LETMD1: variants seen among roughly 807,000 people sequenced by gnomAD.
The protein encoded by LETMD1 is LETM1 domain-containing protein 1.
LETMD1 carries 30 observed loss-of-function variants against 43.9 expected under a neutral mutation model. That is an observed-to-expected ratio of 0.68 (90% confidence interval 0.51 to 0.93). The LOEUF is 0.93. Among genes scored for constraint, LETMD1 ranks in the 40% least tolerant of loss-of-function variants. The pLI is 0.00. For missense variants in LETMD1, 413 were observed against 447.7 expected, an observed-to-expected ratio of 0.92 and a Z score of 0.70; for synonymous variants, 176 against 163.1, an observed-to-expected ratio of 1.08 and a Z score of -0.60.
downstream of LETMD1, chr12:51,064,778 A>C: frequency 1.1e-6 from 1 of 871,002 alleles, no homozygotes; most frequent in Non-Finnish European, 1.7e-6. Context: ...TCTCCTTGTA[A>C]GAAGAAAAGC....
chr12:51,053,078 C>T (rs1467079192), intron 3 of LETMD1, among the ~76,000 whole-genome samples: 1 of 151,522 alleles, frequency 6.6e-6, no homozygotes, highest in African/African-American at 2.4e-5. Flanking sequence ...CGCCACTGCA[C>T]TCCAGCCTGG....
At chr12:51,067,754 T>G in the LETMD1 span, 1 of 1,614,192 alleles carries the variant, frequency 6.2e-7, no homozygotes, top group Non-Finnish European at 8.5e-7. The surrounding 1 kb of genome is among the most constrained non-coding windows in gnomAD (Gnocchi z 4.1). Context: ...ATTCTTCCCG[T>G]GACAGGCGGA....
intron 4 of LETMD1, 144 bp from the exon 5 acceptor site, chr12:51,055,687 AAAAC>A: frequency 6.6e-6 from 3 of 454,994 alleles, no homozygotes; most frequent in East Asian, 3.7e-5. Context: ...AAAAAAAAAA[AAAAC>A]TGAAAAAGAA....
Position 51,059,583 on chromosome 12 carries a change from A to C in LETMD1, c.*152A>C, listed in dbSNP as rs3190077. 0.68 allele frequency: 467,560 copies of C among 686,256 alleles called. 164,667 individuals are homozygous for C. Among genetic ancestry groups the C allele is most frequent in the Non-Finnish European group, 0.76 (286,595 of 378,222 alleles). The allele number at this position is 686,256 out of a possible 1,614,324, so 42.5% of individuals were successfully genotyped here. On this transcript the variant is annotated 3_prime_UTR_variant, in exon 9 of 9. Transcript: ENST00000262055. ...CCATGGGCTTCACAGCATGGCACAC[A>C]TGTGGGAACTGCAGACATTCCTCTC...
At chr12:51,060,673 C>T (rs553043794), downstream of LETMD1, among the ~76,000 whole-genome samples, 161 of 152,080 alleles carry the variant, frequency 1.1e-3, no homozygotes, top group African/African-American at 3.6e-3. Flanking sequence ...GAGGCTGAGG[C>T]GAGCGGATCA....
downstream of LETMD1, chr12:51,063,847 G>A (rs372339521): frequency 1.7e-5 from 28 of 1,613,902 alleles, no homozygotes; most frequent in Admixed American, 1.5e-4. Context: ...TTGTCCGTGC[G>A]GAAGGGGAGG....
Position 51,052,117 on chromosome 12 carries a change from C to G in LETMD1, c.300C>G (p.Ala100=). The part of the protein sequence containing the change: ...MKGLQMLWAD[A]KKARRIKTNM... ...GATTGCAGATGTTATGGGCTGATGCCAAAAAGGCTAGAAGAATAAAGACAA... is the reference window on the plus strand; with the variant it reads ...GATTGCAGATGTTATGGGCTGATGCGAAAAAGGCTAGAAGAATAAAGACAA... Residue 100 remains alanine, a synonymous_variant, in exon 3 of 9, where the codon GCC becomes GCG. Transcript: ENST00000262055. The G allele has an allele frequency of 6.2e-7, 1 of 1,613,760 alleles. No individual in the cohort carries two copies. Among genetic ancestry groups the G allele is most frequent in the Non-Finnish European group, 8.5e-7 (1 of 1,179,838 alleles).
chr12:51,066,251 G>A, the LETMD1 span, among the ~76,000 whole-genome samples: 6 of 152,054 alleles, frequency 3.9e-5, no homozygotes, highest in East Asian at 5.8e-4. Context: ...TCAAGAGATC[G>A]AGACCATCCT....
the LETMD1 span, among the ~76,000 whole-genome samples, chr12:51,067,232 AC>A: frequency 6.7e-6 from 1 of 150,326 alleles, no homozygotes; most frequent in East Asian, 1.9e-4. This position sits in a 1 kb window ranked among gnomAD's most constrained non-coding sequence, Gnocchi z 4.1. Flanking sequence ...TGTTAAATGT[AC>A]TAACTCCTCT....
At chr12:51,063,604 A>G, downstream of LETMD1, 1 of 652,062 alleles carries the variant, frequency 1.5e-6, no homozygotes, top group Non-Finnish European at 2.5e-6. Context: ...TACTCAAACA[A>G]TCCTTTCCCA....
chr12:51,066,012 T>G, the LETMD1 span, among the ~76,000 whole-genome samples: 4 of 152,200 alleles, frequency 2.6e-5, no homozygotes, highest in East Asian at 1.9e-4. Context: ...TGTCTTAAAC[T>G]GTCCCCCATC....
intron 1 of LETMD1, chr12:51,048,798 G>C: frequency 1.7e-6 from 1 of 591,374 alleles, no homozygotes; most frequent in Non-Finnish European, 3.0e-6. Flanking sequence ...TTGTCCCACA[G>C]GCATTGCGCT....
At chr12:51,064,019 A>G (rs1267803722), downstream of LETMD1, 1 of 1,614,052 alleles carries the variant, frequency 6.2e-7, no homozygotes, top group Non-Finnish European at 8.5e-7. Context: ...TAACAGGGAG[A>G]GAGAAGACAT....
chr12:51,059,538 G>A lies in LETMD1; in HGVS notation c.*107G>A, dbSNP rs1948640788. Reference sequence around the variant, plus strand: ...TGTGTGTACTGTTAAGTGTGTGGGAGGCAGAGAGAGGAGCAGGGGCCATGG... The same window carrying A: ...TGTGTGTACTGTTAAGTGTGTGGGAAGCAGAGAGAGGAGCAGGGGCCATGG... On this transcript the variant is annotated 3_prime_UTR_variant, in exon 9 of 9. Coordinates refer to ENST00000262055, the MANE Select transcript of LETMD1 (RefSeq NM_015416.5). The A allele has an allele frequency of 6.2e-6, 6 of 967,056 alleles. No individual in the cohort carries two copies. The South Asian group carries it at 6.7e-5, about 11-fold the overall frequency. The allele number at this position is 967,056 out of a possible 1,614,324, so 59.9% of individuals were successfully genotyped here.
chr12:51,048,759 C>G lies in LETMD1; in HGVS notation c.123-275C>G, dbSNP rs929328916. The stretch of plus-strand genomic sequence containing the variant: ...TTTTACCGCTGCTATCTCGATTCCA[C>G]CTCTTTCTGACTTAGCCTGCAGTTC... On this transcript the variant is annotated intron_variant, in intron 1 of 8. Transcript: ENST00000262055. 7 of 590,758 alleles carry G rather than the reference C, an allele frequency of 1.2e-5. No homozygotes were observed. In the African/African-American group the frequency reaches 1.3e-4, roughly 11 times the overall value. 36.6% of individuals were successfully genotyped at this position (590,758 alleles called of 1,614,324 possible).
the LETMD1 span, among the ~76,000 whole-genome samples, chr12:51,067,316 G>A: frequency 1.3e-5 from 2 of 152,068 alleles, no homozygotes; most frequent in East Asian, 3.9e-4. This position sits in a 1 kb window ranked among gnomAD's most constrained non-coding sequence, Gnocchi z 4.1. Flanking sequence ...TACCTCCACA[G>A]CCTAAGAATC....
At chr12:51,050,710 C>T (rs1945822372) in intron 2 of LETMD1, among the ~76,000 whole-genome samples, 2 of 151,652 alleles carry the variant, frequency 1.3e-5, no homozygotes, top group African/African-American at 2.4e-5. Flanking sequence ...AATATGAAAG[C>T]ATTAAAGAAA....
chr12:51,052,000 T>G, intron 2 of LETMD1, 92 bp from the exon 3 acceptor site: 1 of 1,110,144 alleles, frequency 9.0e-7, no homozygotes, highest in Non-Finnish European at 1.3e-6. Context: ...GGGGTGAGAG[T>G]GTTTGCATGT....
the LETMD1 span, chr12:51,067,549 A>C: frequency 2.3e-6 from 2 of 880,708 alleles, no homozygotes; most frequent in Non-Finnish European, 3.5e-6. The surrounding 1 kb of genome is among the most constrained non-coding windows in gnomAD (Gnocchi z 4.1). Flanking sequence ...GGGTTGTGGA[A>C]CTGGAGAGTG....
Sources: allele counts gnomAD v4.1 joint callset (sites outside exome capture counted in the v4.1 genomes callset), GRCh38; gene constraint gnomAD v4.1.1; non-coding constraint Gnocchi (gnomAD v3.1); transcripts MANE v1.5; gene names NCBI Gene and HGNC (gene_info 2026-07-23, HGNC 2026-07-21).